ABLIM3: variants seen among roughly 807,000 people sequenced by gnomAD.
ABLIM3 encodes the protein actin binding LIM protein family member 3, also known as actin-binding LIM protein 3.
Under a neutral mutation model 109.5 loss-of-function variants are expected in ABLIM3, and 61 were observed. That is an observed-to-expected ratio of 0.56 (90% CI 0.45 to 0.69). ABLIM3 has a LOEUF of 0.69. Ranked by LOEUF, ABLIM3 falls within the 30% of genes least tolerant of loss-of-function variation. The probability of loss-of-function intolerance (pLI) is 0.00; values close to 1 mark genes in which losing one functional copy is unlikely to be tolerated. For synonymous variants in ABLIM3, 300 were observed against 324.8 expected (o/e 0.92, Z 0.82); for missense variants, 796 against 889.5 (o/e 0.89, Z 1.34).
intron 2 of ABLIM3, among the ~76,000 whole-genome samples, chr5:149,156,020 A>G (rs1463905305): frequency 1.3e-5 from 2 of 152,256 alleles, no homozygotes; most frequent in African/African-American, 4.8e-5. Context: ...GACCTAGTGC[A>G]GCAATGCAGT....
intron 2 of ABLIM3, among the ~76,000 whole-genome samples, chr5:149,172,767 T>G (rs1755566592): frequency 6.6e-6 from 1 of 152,206 alleles, no homozygotes; most frequent in South Asian, 2.1e-4. Context: ...TTGGGTCAAT[T>G]TTTCCATTTA....
intron 23 of ABLIM3, among the ~76,000 whole-genome samples, chr5:149,253,471 T>A (rs543461455): frequency 1.1e-4 from 17 of 152,236 alleles, no homozygotes; most frequent in Middle Eastern, 3.4e-3. Flanking sequence ...GAGAAGTGAG[T>A]GAGCCAGTAC....
chr5:149,173,908 G>T (rs1301677429), intron 2 of ABLIM3, among the ~76,000 whole-genome samples: 1 of 151,300 alleles, frequency 6.6e-6, no homozygotes, highest in Middle Eastern at 3.2e-3. Flanking sequence ...TGTAGTCCCA[G>T]CTACTCGGGA....
At chr5:149,215,654 T>G (rs1760005326) in intron 7 of ABLIM3, among the ~76,000 whole-genome samples, 1 of 152,210 alleles carries the variant, frequency 6.6e-6, no homozygotes, top group Non-Finnish European at 1.5e-5. Context: ...TAAGAACCCC[T>G]AACATCCATC....
At chr5:149,161,845 A>G (rs547918965) in intron 2 of ABLIM3, among the ~76,000 whole-genome samples, 4 of 152,132 alleles carry the variant, frequency 2.6e-5, no homozygotes, top group Admixed American at 2.6e-4. Context: ...AGGGCACAGA[A>G]TGGTAGAAAG....
chr5:149,259,321 C>A lies in ABLIM3; in HGVS notation c.*917C>A. On this transcript the variant is annotated 3_prime_UTR_variant, in exon 24 of 24. Coordinates refer to ENST00000309868, the MANE Select transcript of ABLIM3 (RefSeq NM_014945.5). Reference sequence around the variant, plus strand: ...CAGCTTGTATTCTTTAGCCTTATTACAATCTATGTGCCTGACAACTCAACA... The same window carrying A: ...CAGCTTGTATTCTTTAGCCTTATTAAAATCTATGTGCCTGACAACTCAACA... The A allele has an allele frequency of 7.0e-7, 1 of 1,420,086 alleles. No individual in the cohort carries two copies. The highest frequency in any genetic ancestry group is 1.5e-5 in the South Asian group (1 of 65,390). The allele number at this position is 1,420,086 out of a possible 1,614,324, so 88.0% of individuals were successfully genotyped here.
intron 2 of ABLIM3, among the ~76,000 whole-genome samples, chr5:149,170,228 T>TTTTTTTTCTCTCTCTCTCTCTC (rs1554082423): frequency 3.2e-5 from 4 of 124,604 alleles, no homozygotes; most frequent in African/African-American, 1.3e-4. Flanking sequence ...AGGGTTCTGT[T>TTTTTTTTCTCTCTCTCTCTCTC]TCTCTCTCTC....
chr5:149,207,192 C>T, intron 6 of ABLIM3, 58 bp downstream of exon 6: 1 of 1,576,472 alleles, frequency 6.3e-7, no homozygotes, highest in Non-Finnish European at 8.6e-7. Flanking sequence ...TGAGGCCTGC[C>T]CCATTGAGCC....
In ABLIM3 at chr5:149,198,074, C is replaced by T; in HGVS notation, c.152-145C>T. On this transcript the variant is annotated intron_variant, in intron 3 of 23. Coordinates refer to ENST00000309868, the MANE Select transcript of ABLIM3 (RefSeq NM_014945.5). This position sits in a 1 kb window ranked among gnomAD's most constrained non-coding sequence, Gnocchi z 4.2. ...GCCACTTCTTTAAGGAATACTGGCCCCAAAGGCCTGTGAAGTCTGACATGC... is the reference window on the plus strand; with the variant it reads ...GCCACTTCTTTAAGGAATACTGGCCTCAAAGGCCTGTGAAGTCTGACATGC... 3.7e-6 allele frequency: 1 copy of T among 268,446 alleles called. No homozygotes were observed. The highest frequency in any genetic ancestry group is 6.1e-6 in the Non-Finnish European group (1 of 163,660). The allele number at this position is 268,446 out of a possible 1,614,324, so 16.6% of individuals were successfully genotyped here. A position where few individuals can be genotyped will look rare whatever the true frequency, so the allele number is the denominator to read the frequency against.
chr5:149,246,167 T>C (rs1420127909), intron 16 of ABLIM3, among the ~76,000 whole-genome samples: 1 of 151,900 alleles, frequency 6.6e-6, no homozygotes, highest in African/African-American at 2.4e-5. Context: ...TCTCAAAAAT[T>C]TAAAAATTTA....
chr5:149,171,299 T>C (rs1051181621), intron 2 of ABLIM3, among the ~76,000 whole-genome samples: 4 of 152,226 alleles, frequency 2.6e-5, no homozygotes, highest in Non-Finnish European at 4.4e-5. Flanking sequence ...GTAGTATTAC[T>C]ATCATTATCA....
intron 3 of ABLIM3, among the ~76,000 whole-genome samples, chr5:149,186,996 TAATA>T (rs1189153118): frequency 9.9e-5 from 15 of 152,056 alleles, no homozygotes; most frequent in African/African-American, 3.6e-4. Flanking sequence ...AAGAAAAAAT[TAATA>T]AAACAGAAGA....
rs1398796725 is a variant in ABLIM3 at position 149,207,145 on chromosome 5, C to G, written c.575+11C>G. ...GGAGTATATCAGCAAGTGGGTCCCC[C>G]TGCTCCTGCCCCAGCTGCCTGGGCC... is the stretch of plus-strand genomic sequence containing the variant. On this transcript the variant is annotated intron_variant, in intron 6 of 23. Coordinates refer to ENST00000309868, the MANE Select transcript of ABLIM3 (RefSeq NM_014945.5). 6.2e-7 allele frequency: 1 copy of G among 1,611,490 alleles called. No homozygotes were observed. The highest frequency in any genetic ancestry group is 8.5e-7 in the Non-Finnish European group (1 of 1,178,476).
chr5:149,232,998 C>A (rs779312089), intron 9 of ABLIM3, among the ~76,000 whole-genome samples: 1 of 152,118 alleles, frequency 6.6e-6, no homozygotes, highest in African/African-American at 2.4e-5. Context: ...GCTGCAAATA[C>A]GTAGAAAATA....
At chr5:149,200,472 T>C (rs754592227) in intron 5 of ABLIM3, 44 bp downstream of exon 5, 1 of 1,583,138 alleles carries the variant, frequency 6.3e-7, no homozygotes, top group Admixed American at 1.7e-5. Flanking sequence ...GGGTGTGATC[T>C]CTCTGGGCTC....
intron 11 of ABLIM3, among the ~76,000 whole-genome samples, chr5:149,238,477 G>A (rs1363776394): frequency 6.6e-6 from 1 of 152,208 alleles, no homozygotes; most frequent in Non-Finnish European, 1.5e-5. Flanking sequence ...TGCACCAGGA[G>A]AGGAGGATCA....
chr5:149,222,120 A>T (rs1300437698), intron 8 of ABLIM3, among the ~76,000 whole-genome samples: 1 of 150,262 alleles, frequency 6.7e-6, no homozygotes, highest in African/African-American at 2.4e-5. Context: ...AAAAATATTA[A>T]TAATAATAAA....
chr5:149,200,187 A>G, intron 4 of ABLIM3, 129 bp from the exon 5 acceptor site: 3 of 755,380 alleles, frequency 4.0e-6, no homozygotes, highest in South Asian at 1.7e-5. Context: ...TGTGAACAGC[A>G]TTTGAATTTG....
At chr5:149,152,220 C>A (rs948982397) in intron 2 of ABLIM3, among the ~76,000 whole-genome samples, 3 of 152,198 alleles carry the variant, frequency 2.0e-5, no homozygotes, top group African/African-American at 7.2e-5. Context: ...ACAATTATCA[C>A]TTCCTATTAA....
Sources: gnomAD v4.1 joint callset for allele counts (sites outside exome capture counted in the v4.1 genomes callset) on GRCh38, gnomAD v4.1.1 for gene constraint, Gnocchi (gnomAD v3.1) non-coding constraint, MANE v1.5 for transcripts, NCBI Gene and HGNC (gene_info 2026-07-23, HGNC 2026-07-21) for gene names.